EFCAB8: variants seen among roughly 807,000 people sequenced by gnomAD.
EFCAB8 encodes the protein EF-hand calcium binding domain 8.
In EFCAB8, 100 loss-of-function variants were observed where a neutral mutation model predicts 116.3. The ratio of observed to expected loss-of-function variants is 0.86; its 90% CI spans 0.73 to 1.02. The LOEUF is 1.02. EFCAB8 is among the 50% of genes least tolerant of loss of function. EFCAB8 has a pLI of 0.00. For synonymous variants in EFCAB8, 558 were observed against 567.9 expected (o/e 0.98, Z 0.25); for missense variants, 1,320 against 1,416.9 (o/e 0.93, Z 1.10).
At chr20:32,950,095 G>A (rs753642987) in intron 23 of EFCAB8, among the ~76,000 whole-genome samples, 9 of 152,322 alleles carry the variant, frequency 5.9e-5, no homozygotes, top group East Asian at 1.9e-4. Flanking sequence ...AGAAGAAATC[G>A]TAGGAGAAAA....
At position 32,917,900 on chromosome 20, in the gene EFCAB8, C is replaced by G. The variant is rs78206940; in HGVS notation, c.2061+395C>G. Among the ~76,000 whole-genome samples the G allele has an allele frequency of 9.1e-3, 1,392 of 152,268 alleles. 11 individuals are homozygous for G. The highest frequency in any genetic ancestry group is 0.015 in the Non-Finnish European group (1,024 of 68,016). Reference sequence around the variant, plus strand: ...GGAAACCCATACAGTCTCCAAATTCCCATATCTCAGCAGATCAAAGCAGGA... The same window carrying G: ...GGAAACCCATACAGTCTCCAAATTCGCATATCTCAGCAGATCAAAGCAGGA... On this transcript the variant is annotated intron_variant, in intron 18 of 26. Transcript: ENST00000400522.
chr20:32,908,406 C>G lies in EFCAB8; in HGVS notation c.1440C>G (p.Thr480=), dbSNP rs912472031. Residue 480 remains threonine, a synonymous_variant, in exon 14 of 27, where the codon ACC becomes ACG. Transcript: ENST00000400522. ...AGGACAATACCCTCATCTGCAGCAC[C>G]TACTCAGTGAGTGCTGTCCCAGGAG... The part of the protein sequence containing the change: ...FEKDNTLICS[T]YSIGILKGYL... The G allele has an allele frequency of 1.1e-5, 14 of 1,249,848 alleles. No individual in the cohort carries two copies. The highest frequency in any genetic ancestry group is 1.3e-5 in the Non-Finnish European group (13 of 988,272). 77.4% of individuals were successfully genotyped at this position (1,249,848 alleles called of 1,614,324 possible).
At chr20:32,884,521 A>G (rs369057961) in intron 5 of EFCAB8, among the ~76,000 whole-genome samples, 12 of 152,186 alleles carry the variant, frequency 7.9e-5, no homozygotes, top group African/African-American at 2.9e-4. Flanking sequence ...GAGAGAGGAG[A>G]ACCGTGTCCA....
intron 3 of EFCAB8, among the ~76,000 whole-genome samples, chr20:32,875,086 A>G (rs545232691): frequency 1.2e-3 from 185 of 152,174 alleles, no homozygotes; most frequent in Non-Finnish European, 2.0e-3. Context: ...CTTTGTCTCA[A>G]TCCTTCCTCT....
chr20:32,953,447 A>G (rs1988860523), intron 23 of EFCAB8, among the ~76,000 whole-genome samples: 3 of 152,202 alleles, frequency 2.0e-5, no homozygotes, highest in Admixed American at 1.3e-4. Flanking sequence ...CCCACCAAAC[A>G]TGCACAAGGG....
In EFCAB8 at chr20:32,907,884, G is replaced by A. The variant is rs549946243; in HGVS notation, c.1309-391G>A. Among the ~76,000 whole-genome samples, 264 of 152,296 alleles carry A rather than the reference G, an allele frequency of 1.7e-3. 1 individual carries two copies. Among genetic ancestry groups the A allele is most frequent in the Middle Eastern group, 0.014 (4 of 294 alleles). On this transcript the variant is annotated intron_variant, in intron 13 of 26. Coordinates refer to ENST00000400522, the MANE Select transcript of EFCAB8 (RefSeq NM_001143967.2). The stretch of plus-strand genomic sequence containing the variant: ...GAGGGGCCCCTCTGGGGACAGGCAG[G>A]CCACTGTGGCAACTATGTTGGTAGC...
At chr20:32,900,578 G>GT (rs1295244987) in intron 11 of EFCAB8, among the ~76,000 whole-genome samples, 3 of 150,098 alleles carry the variant, frequency 2.0e-5, no homozygotes, top group East Asian at 1.9e-4. Context: ...TTTATTTTTT[G>GT]TTTTTTTGTG....
intron 11 of EFCAB8, among the ~76,000 whole-genome samples, chr20:32,901,234 A>T (rs1267877038): frequency 6.6e-6 from 1 of 152,254 alleles, no homozygotes; most frequent in East Asian, 1.9e-4. Flanking sequence ...TGGGGTGTCC[A>T]ATCTTTTGGC....
Position 32,961,567 on chromosome 20 carries a change from C to T in EFCAB8, c.3825C>T (p.Thr1275=). The change falls in exon 27 of 27, where the codon ACC becomes ACT. Residue 1275 remains threonine (T), a synonymous_variant. Transcript: ENST00000400522. ...GGCCCCCAAGGCCTCTGAAGGCCACCTTCATGTCCTCTGTGAAGGGGAGCT... is the reference window on the plus strand; with the variant it reads ...GGCCCCCAAGGCCTCTGAAGGCCACTTTCATGTCCTCTGTGAAGGGGAGCT... ...FERPPRPLKA[T]FMSSVKGSSH... 7.2e-7 allele frequency: 1 copy of T among 1,386,278 alleles called. No individual in the cohort carries two copies. Among genetic ancestry groups the T allele is most frequent in the Non-Finnish European group, 9.4e-7 (1 of 1,068,340 alleles). The allele number at this position is 1,386,278 out of a possible 1,614,324, so 85.9% of individuals were successfully genotyped here. A position where few individuals can be genotyped will look rare whatever the true frequency, so the allele number is the denominator to read the frequency against.
At chr20:32,935,918 C>T (rs574109193) in intron 22 of EFCAB8, among the ~76,000 whole-genome samples, 5 of 152,160 alleles carry the variant, frequency 3.3e-5, no homozygotes, top group African/African-American at 4.8e-5. Context: ...TATTTTCTGT[C>T]ACTCTGTGGG....
chr20:32,863,843 GAC>G lies in EFCAB8; in HGVS notation c.42+11_42+12del. ...TCCCTCAACTCCAAAAGGTAAGAAA[GAC>G]AATTATCTGAACTAATAAAGGGTGG... On this transcript the variant is annotated intron_variant, in intron 2 of 26. Coordinates refer to ENST00000400522, the MANE Select transcript of EFCAB8 (RefSeq NM_001143967.2). 1 of 1,551,236 alleles carries G rather than the reference GAC, an allele frequency of 6.4e-7. No individual in the cohort carries two copies. Among genetic ancestry groups the G allele is most frequent in the Non-Finnish European group, 8.7e-7 (1 of 1,146,784 alleles).
Position 32,912,837 on chromosome 20 carries a change from G to C in EFCAB8, c.1829G>C (p.Gly610Ala), listed in dbSNP as rs113341957. 1.0e-3 allele frequency: 744 copies of C among 719,006 alleles called. 7 individuals are homozygous for C. In the African/African-American group the frequency reaches 0.011, roughly 11 times the overall value. The allele number at this position is 719,006 out of a possible 1,614,324, so 44.5% of individuals were successfully genotyped here. A position where few individuals can be genotyped will look rare whatever the true frequency, so the allele number is the denominator to read the frequency against. ...IHMNKVFYVT[G>A]WSKRITHFLF... ...ATGAACAAAGTGTTCTATGTGACAG[G>C]ATGGAGTAAGAGAATCACTCATTTC... Residue 610 changes from glycine (G) to alanine (A), a missense_variant, in exon 17 of 27, where the codon GGA becomes GCA. Gly to Ala is a moderately conservative substitution (Grantham distance 60). Transcript: ENST00000400522.
chr20:32,954,451 TA>T (rs1988900064), intron 23 of EFCAB8, among the ~76,000 whole-genome samples: 1 of 152,256 alleles, frequency 6.6e-6, no homozygotes, highest in South Asian at 2.1e-4. Context: ...TGTGAGGCTT[TA>T]TTTTTGGATA....
At chr20:32,874,289 C>T (rs915510539) in intron 3 of EFCAB8, among the ~76,000 whole-genome samples, 1 of 152,186 alleles carries the variant, frequency 6.6e-6, no homozygotes, top group Non-Finnish European at 1.5e-5. Context: ...GTGGCAAGAT[C>T]ATGGCCAACT....
chr20:32,895,912 C>G (rs1372501543), intron 9 of EFCAB8, among the ~76,000 whole-genome samples: 1 of 152,096 alleles, frequency 6.6e-6, no homozygotes, highest in African/African-American at 2.4e-5. Flanking sequence ...GACCTTCCCA[C>G]CTGAGCCTCC....
chr20:32,896,512 A>G lies in EFCAB8; in HGVS notation c.942A>G (p.Arg314=). 1 of 719,042 alleles carries G rather than the reference A, an allele frequency of 1.4e-6. No individual in the cohort carries two copies. The highest frequency in any genetic ancestry group is 2.6e-6 in the Non-Finnish European group (1 of 385,186). The allele number at this position is 719,042 out of a possible 1,614,324, so 44.5% of individuals were successfully genotyped here. A position where few individuals can be genotyped will look rare whatever the true frequency, so the allele number is the denominator to read the frequency against. ...KLLNEKSALH[R]SYRLKALHPN... Reference sequence around the variant, plus strand: ...TAAATGAGAAGTCTGCTTTGCATAGAAGCTACCGGCTGAAGGTGAGTTTTT... The same window carrying G: ...TAAATGAGAAGTCTGCTTTGCATAGGAGCTACCGGCTGAAGGTGAGTTTTT... The change falls in exon 10 of 27, where the codon AGA becomes AGG. Residue 314 remains arginine (R), a synonymous_variant. Transcript: ENST00000400522.
intron 11 of EFCAB8, among the ~76,000 whole-genome samples, chr20:32,899,644 G>A (rs951750752): frequency 3.3e-5 from 5 of 151,606 alleles, no homozygotes; most frequent in Non-Finnish European, 5.9e-5. Flanking sequence ...GTGCGATCTC[G>A]GCTCGCCACA....
chr20:32,877,215 T>C (rs896291986), intron 4 of EFCAB8, among the ~76,000 whole-genome samples: 18 of 142,804 alleles, frequency 1.3e-4, no homozygotes, highest in African/African-American at 4.5e-4. Context: ...TTCTTTTTTT[T>C]TTTTTTTTTT....
chr20:32,884,459 G>A (rs1176425954), intron 5 of EFCAB8, among the ~76,000 whole-genome samples: 4 of 152,182 alleles, frequency 2.6e-5, no homozygotes, highest in Non-Finnish European at 5.9e-5. Flanking sequence ...GAGATGAGAG[G>A]GCAACTGAGA....
Sources: gnomAD v4.1 joint callset for allele counts (sites outside exome capture counted in the v4.1 genomes callset) on GRCh38, gnomAD v4.1.1 for gene constraint, MANE v1.5 for transcripts, NCBI Gene and HGNC (gene_info 2026-07-23, HGNC 2026-07-21) for gene names.